The following PICALM variants were observed in gnomAD, a reference collection of about 807,000 sequenced individuals.
PICALM encodes phosphatidylinositol-binding clathrin assembly protein.
PICALM carries 40 observed loss-of-function variants against 80.5 expected under a neutral mutation model. The observed-to-expected ratio is 0.50, with a 90% CI of 0.39 to 0.65. PICALM has a LOEUF of 0.65. PICALM is among the 30% of genes least tolerant of loss of function. The pLI is 0.00. For synonymous variants in PICALM, 288 were observed against 260.3 expected (o/e 1.11, Z -1.02); for missense variants, 676 against 778.9 (o/e 0.87, Z 1.57).
intron 4 of PICALM, among the ~76,000 whole-genome samples, chr11:86,018,954 C>T (rs546100819): frequency 1.3e-5 from 2 of 151,502 alleles, no homozygotes; most frequent in African/African-American, 2.4e-5. Context: ...CCAAAATACA[C>T]AGGAGGGGAA....
intron 12 of PICALM, among the ~76,000 whole-genome samples, chr11:85,991,557 C>T (rs1380527427): frequency 6.6e-6 from 1 of 150,746 alleles, no homozygotes; most frequent in African/African-American, 2.4e-5. Context: ...AAAAAAAAAT[C>T]AAGAAAATAC....
chr11:86,060,707 T>C (rs1001253292), intron 1 of PICALM, among the ~76,000 whole-genome samples: 4 of 143,504 alleles, frequency 2.8e-5, no homozygotes, highest in Non-Finnish European at 4.5e-5. Flanking sequence ...TTTCAACAAA[T>C]AGTACTGCAC....
chr11:86,036,940 A>C (rs915638064), intron 1 of PICALM, among the ~76,000 whole-genome samples: 2 of 134,316 alleles, frequency 1.5e-5, no homozygotes, highest in South Asian at 2.4e-4. Context: ...TGTCTCAACA[A>C]CAACCAAAAA....
At chr11:86,053,407 A>G (rs1323432595) in intron 1 of PICALM, among the ~76,000 whole-genome samples, 1 of 152,192 alleles carries the variant, frequency 6.6e-6, no homozygotes, top group Non-Finnish European at 1.5e-5. Flanking sequence ...CTGACTATCC[A>G]CATTGCTGGG....
intron 9 of PICALM, among the ~76,000 whole-genome samples, chr11:86,002,566 T>C (rs777447441): frequency 5.9e-5 from 9 of 152,184 alleles, no homozygotes; most frequent in Admixed American, 1.3e-4. Context: ...ATAAAGTGAT[T>C]AAAATATAAA....
intron 2 of PICALM, among the ~76,000 whole-genome samples, chr11:86,030,030 G>A (rs1413785836): frequency 1.3e-5 from 2 of 152,018 alleles, no homozygotes; most frequent in South Asian, 2.1e-4. Context: ...GTGGTATAAC[G>A]ATGAATCAGA....
chr11:86,037,259 A>AATTT (rs1555120028), intron 1 of PICALM, among the ~76,000 whole-genome samples: 4 of 106,034 alleles, frequency 3.8e-5, no homozygotes, highest in African/African-American at 8.0e-5. Context: ...AAAAAAGAAA[A>AATTT]TTTTTTTTTT....
intron 11 of PICALM, among the ~76,000 whole-genome samples, chr11:85,998,602 G>A (rs2095050847): frequency 6.6e-6 from 1 of 151,824 alleles, no homozygotes; most frequent in Non-Finnish European, 1.5e-5. Context: ...AGATCAGCTT[G>A]GGCAAAATGG....
At chr11:85,976,740 T>C in intron 17 of PICALM, 58 bp from the exon 18 acceptor site, 1 of 983,796 alleles carries the variant, frequency 1.0e-6, no homozygotes, top group Non-Finnish European at 1.6e-6. Context: ...GTCAACTGAG[T>C]TCAAGGAATT....
Position 86,069,065 on chromosome 11 carries a change from G to A in PICALM, c.-285C>T, listed in dbSNP as rs2096486733. 1.4e-5 allele frequency: 5 copies of A among 358,664 alleles called. No homozygotes were observed. Among genetic ancestry groups the A allele is most frequent in the Non-Finnish European group, 2.1e-5 (4 of 195,036 alleles). 22.2% of individuals were successfully genotyped at this position (358,664 alleles called of 1,614,324 possible). A position where few individuals can be genotyped will look rare whatever the true frequency, so the allele number is the denominator to read the frequency against. On this transcript the variant is annotated 5_prime_UTR_variant, in exon 1 of 20. Coordinates refer to ENST00000393346, the MANE Select transcript of PICALM (RefSeq NM_007166.4). ...GGAGCCGGGCAGGGTAAGAGGAACA[G>A]GCAGCTGCAGGAAAATGGCGGCGCC...
At chr11:85,973,716 A>G (rs2094183410) in intron 19 of PICALM, among the ~76,000 whole-genome samples, 1 of 152,204 alleles carries the variant, frequency 6.6e-6, no homozygotes, top group Non-Finnish European at 1.5e-5. Flanking sequence ...TTGGCAATGT[A>G]AGACTATATG....
At chr11:85,995,306 T>C (rs1028736315) in intron 12 of PICALM, among the ~76,000 whole-genome samples, 4 of 152,028 alleles carry the variant, frequency 2.6e-5, no homozygotes, top group African/African-American at 4.8e-5. Flanking sequence ...TAACCGAAAA[T>C]AGAAAAGTAA....
intron 5 of PICALM, among the ~76,000 whole-genome samples, chr11:86,014,221 A>G (rs1293911787): frequency 1.3e-5 from 2 of 152,250 alleles, no homozygotes; most frequent in Non-Finnish European, 2.9e-5. Flanking sequence ...TTTCAGCATG[A>G]AACTGTCACA....
At chr11:85,994,525 T>G (rs2094895856) in intron 12 of PICALM, among the ~76,000 whole-genome samples, 1 of 152,362 alleles carries the variant, frequency 6.6e-6, no homozygotes, top group African/African-American at 2.4e-5. Context: ...GGCATTCATT[T>G]TTAGCTAATA....
rs554750 is a variant in PICALM, at chr11:85,982,310, C to T, written c.1517-307G>A. On this transcript the variant is annotated intron_variant, in intron 14 of 19. Transcript: ENST00000393346. ...AAAACAAATGTAATTCTCCTGCTAGCCCAGCAAAATTTTCTGAAGACTCAC... is the reference window on the plus strand; with the variant it reads ...AAAACAAATGTAATTCTCCTGCTAGTCCAGCAAAATTTTCTGAAGACTCAC... The T allele has an allele frequency of 0.21, 47,148 of 224,126 alleles. 5,402 individuals are homozygous for T. The highest frequency in any genetic ancestry group is 0.3 in the African/African-American group (13,459 of 44,204). 13.9% of individuals were successfully genotyped at this position (224,126 alleles called of 1,614,324 possible).
intron 19 of PICALM, among the ~76,000 whole-genome samples, chr11:85,971,152 C>T (rs1325290163): frequency 6.6e-6 from 1 of 152,166 alleles, no homozygotes; most frequent in African/African-American, 2.4e-5. Context: ...GAGACCAAAG[C>T]TTCTTCAAGC....
intron 2 of PICALM, among the ~76,000 whole-genome samples, chr11:86,028,700 C>CTA (rs952885494): frequency 5.9e-5 from 9 of 152,128 alleles, no homozygotes; most frequent in Admixed American, 5.2e-4. Context: ...TGTTAAGGGT[C>CTA]TATAACACAA....
chr11:86,004,347 A>C (rs978531260), intron 8 of PICALM, among the ~76,000 whole-genome samples: 7 of 152,202 alleles, frequency 4.6e-5, no homozygotes, highest in African/African-American at 1.7e-4. Flanking sequence ...TTATATTAAG[A>C]ACCAACAAAA....
intron 11 of PICALM, 124 bp from the exon 12 acceptor site, chr11:85,997,053 A>G (rs1406914808): frequency 5.4e-6 from 3 of 560,714 alleles, no homozygotes; most frequent in Non-Finnish European, 9.3e-6. Context: ...ATTAATATAA[A>G]TCTCAAAAGA....
Sources: allele counts gnomAD v4.1 joint callset (sites outside exome capture counted in the v4.1 genomes callset), GRCh38; gene constraint gnomAD v4.1.1; transcripts MANE v1.5; gene names NCBI Gene and HGNC (gene_info 2026-07-23, HGNC 2026-07-21).